The following DYM variants were observed in gnomAD, a reference collection of about 807,000 sequenced individuals.
DYM encodes the protein dyggve-Melchior-Clausen syndrome protein.
Under a neutral mutation model 93.1 loss-of-function variants are expected in DYM, and 78 were observed. The ratio of observed to expected loss-of-function variants is 0.84; its 90% CI spans 0.70 to 1.01. The LOEUF (loss-of-function observed/expected upper bound fraction) is 1.01, where lower values mean the gene tolerates loss of function less well. Among genes scored for constraint, DYM ranks in the 50% least tolerant of loss-of-function variants. The probability of loss-of-function intolerance (pLI) is 0.00; values close to 1 mark genes in which losing one functional copy is unlikely to be tolerated. For missense variants in DYM, 789 were observed against 845.0 expected, an observed-to-expected ratio of 0.93 and a Z score of 0.82; for synonymous variants, 321 against 319.7, an observed-to-expected ratio of 1.00 and a Z score of -0.04.
intron 17 of DYM, among the ~76,000 whole-genome samples, chr18:49,096,109 CAA>C (rs1181891721): frequency 6.6e-6 from 1 of 152,146 alleles, no homozygotes; most frequent in African/African-American, 2.4e-5. Flanking sequence ...AAAATGGAAA[CAA>C]TATGAATTCT....
intron 14 of DYM, among the ~76,000 whole-genome samples, chr18:49,179,833 T>C (rs1244633405): frequency 6.6e-6 from 1 of 152,114 alleles, no homozygotes; most frequent in African/African-American, 2.4e-5. Context: ...AATAATCTCT[T>C]ACTACCAGCA....
intron 11 of DYM, among the ~76,000 whole-genome samples, chr18:49,260,722 G>A (rs1277712850): frequency 1.3e-5 from 2 of 152,180 alleles, no homozygotes; most frequent in African/African-American, 4.8e-5. Flanking sequence ...CTACACATCT[G>A]AAGGACAGCA....
chr18:49,226,791 T>C (rs1211455335), intron 13 of DYM, among the ~76,000 whole-genome samples: 1 of 152,124 alleles, frequency 6.6e-6, no homozygotes. Flanking sequence ...ACATTAAAAC[T>C]ATGACTCCCA....
intron 2 of DYM, among the ~76,000 whole-genome samples, chr18:49,402,564 A>G (rs934401465): frequency 1.3e-4 from 20 of 152,348 alleles, no homozygotes; most frequent in African/African-American, 4.8e-4. Flanking sequence ...ATGAACCACT[A>G]ACTGTTACTA....
At chr18:49,286,173 T>C (rs1041711757) in intron 9 of DYM, among the ~76,000 whole-genome samples, 2 of 152,162 alleles carry the variant, frequency 1.3e-5, no homozygotes, top group African/African-American at 2.4e-5. Context: ...TAACAGGTAG[T>C]ACAGACTGAC....
In DYM at chr18:49,333,759, T is replaced by C; in HGVS notation, c.589A>G (p.Ile197Val). The C allele has an allele frequency of 6.2e-7, 1 of 1,614,066 alleles. No individual in the cohort carries two copies. The highest frequency in any genetic ancestry group is 8.5e-7 in the Non-Finnish European group (1 of 1,179,942). Reference sequence around the variant, plus strand: ...CCTCGCATCAAATACTTGTGGCTGATGCTCTGTCGCAAAACTTCTTTGTGG... The same window carrying C: ...CCTCGCATCAAATACTTGTGGCTGACGCTCTGTCGCAAAACTTCTTTGTGG... ...LFHKEVLRQSISHKYLMRGPC... is the reference protein window; with the variant it reads ...LFHKEVLRQSVSHKYLMRGPC... The change falls in exon 7 of 18, where the codon ATC becomes GTC. Residue 197 changes from isoleucine (I) to valine (V), a missense_variant. By Grantham distance (29) the Ile-to-Val change is conservative (BLOSUM62 3). Transcript: ENST00000675505.
At chr18:49,442,105 C>A (rs1244073577) in intron 1 of DYM, among the ~76,000 whole-genome samples, 1 of 152,070 alleles carries the variant, frequency 6.6e-6, no homozygotes, top group Non-Finnish European at 1.5e-5. Flanking sequence ...AAAAATAGAT[C>A]GTCACCTCAC....
intron 11 of DYM, among the ~76,000 whole-genome samples, chr18:49,265,899 G>A (rs2094562401): frequency 6.6e-6 from 1 of 151,788 alleles, no homozygotes; most frequent in Non-Finnish European, 1.5e-5. Flanking sequence ...TATGGTAAAA[G>A]GGCTGATGGT....
At chr18:49,115,056 T>C (rs1177262889) in intron 16 of DYM, among the ~76,000 whole-genome samples, 1 of 152,242 alleles carries the variant, frequency 6.6e-6, no homozygotes, top group Non-Finnish European at 1.5e-5. Flanking sequence ...TGTGTGACAG[T>C]AAACAAGTTA....
intron 15 of DYM, among the ~76,000 whole-genome samples, chr18:49,151,312 A>T (rs1291254192): frequency 6.6e-6 from 1 of 152,204 alleles, no homozygotes; most frequent in Admixed American, 6.5e-5. Context: ...AATCCGTGAA[A>T]TTTCCAGAAA....
At chr18:49,253,231 T>C (rs1220619947) in intron 13 of DYM, among the ~76,000 whole-genome samples, 1 of 152,090 alleles carries the variant, frequency 6.6e-6, no homozygotes, top group Non-Finnish European at 1.5e-5. Context: ...GATTTAGGAA[T>C]CATGTATATG....
chr18:49,071,459 CA>C (rs776613005), intron 17 of DYM, among the ~76,000 whole-genome samples: 9 of 152,216 alleles, frequency 5.9e-5, no homozygotes, highest in Non-Finnish European at 1.3e-4. Context: ...TTCAAGTTCA[CA>C]AAAGCTTATC....
intron 11 of DYM, among the ~76,000 whole-genome samples, chr18:49,263,228 C>T (rs1024527421): frequency 2.0e-5 from 3 of 151,698 alleles, no homozygotes; most frequent in African/African-American, 7.3e-5. Context: ...AAGTAATTCT[C>T]CTGCCTCGGC....
chr18:49,396,397 T>G (rs1030142231), intron 2 of DYM, among the ~76,000 whole-genome samples: 1 of 152,142 alleles, frequency 6.6e-6, no homozygotes, highest in African/African-American at 2.4e-5. Context: ...ATTTCTGATT[T>G]CAGATTTTTT....
At chr18:49,183,620 T>C (rs1363537349) in intron 14 of DYM, among the ~76,000 whole-genome samples, 1 of 152,194 alleles carries the variant, frequency 6.6e-6, no homozygotes, top group African/African-American at 2.4e-5. Context: ...GAGCCTGGGA[T>C]AGTTCACTTC....
At chr18:49,142,035 TG>T (rs1600093244) in intron 15 of DYM, among the ~76,000 whole-genome samples, 1 of 151,262 alleles carries the variant, frequency 6.6e-6, no homozygotes, top group East Asian at 1.9e-4. Context: ...TTTTTTTTTT[TG>T]TATCTTTAGT....
At chr18:49,278,918 C>G (rs930277225) in intron 10 of DYM, among the ~76,000 whole-genome samples, 1 of 152,150 alleles carries the variant, frequency 6.6e-6, no homozygotes, top group African/African-American at 2.4e-5. Flanking sequence ...AGAATCATGA[C>G]CATCTCAAAT....
intron 8 of DYM, among the ~76,000 whole-genome samples, chr18:49,291,297 A>G (rs1407883993): frequency 6.6e-6 from 1 of 152,244 alleles, no homozygotes; most frequent in East Asian, 1.9e-4. Flanking sequence ...TTTACATTGT[A>G]AACAGTTCAG....
At chr18:49,102,096 G>A (rs535879735) in intron 16 of DYM, among the ~76,000 whole-genome samples, 1 of 152,282 alleles carries the variant, frequency 6.6e-6, no homozygotes, top group African/African-American at 2.4e-5. Context: ...CAAAGTTGCA[G>A]CATCTACTGC....
Sources: gnomAD v4.1 joint callset for allele counts (sites outside exome capture counted in the v4.1 genomes callset) on GRCh38, gnomAD v4.1.1 for gene constraint, MANE v1.5 for transcripts, NCBI Gene and HGNC (gene_info 2026-07-23, HGNC 2026-07-21) for gene names.